PPP2R2C: variants seen among roughly 807,000 people sequenced by gnomAD.
PPP2R2C encodes protein phosphatase 2 regulatory subunit Bgamma, also known as protein phosphatase 2, regulatory subunit B, gamma.
PPP2R2C carries 10 observed loss-of-function variants against 45.3 expected under a neutral mutation model. The ratio of observed to expected loss-of-function variants is 0.22; its 90% CI spans 0.14 to 0.37. PPP2R2C has a LOEUF of 0.37. Ranked by LOEUF, PPP2R2C falls within the 10% of genes least tolerant of loss-of-function variation. The probability of loss-of-function intolerance (pLI) is 1.00; values close to 1 mark genes in which losing one functional copy is unlikely to be tolerated. For synonymous variants in PPP2R2C, 257 were observed against 245.4 expected (o/e 1.05, Z -0.44); for missense variants, 308 against 619.7 (o/e 0.50, Z 5.34).
chr4:6,411,645 T>C (rs1301084810), intron 1 of PPP2R2C, among the ~76,000 whole-genome samples: 3 of 151,568 alleles, frequency 2.0e-5, no homozygotes, highest in Non-Finnish European at 4.4e-5. Flanking sequence ...CTCCGCCTCC[T>C]GGGCTCACGC....
intron 1 of PPP2R2C, among the ~76,000 whole-genome samples, chr4:6,450,100 T>C (rs1368642234): frequency 6.6e-6 from 1 of 152,194 alleles, no homozygotes; most frequent in East Asian, 1.9e-4. Flanking sequence ...ATGGTGGAAA[T>C]AGCATTGGCT....
At chr4:6,492,507 C>T (rs902871009) in intron 2 of PPP2R2C, among the ~76,000 whole-genome samples, 35 of 152,224 alleles carry the variant, frequency 2.3e-4, no homozygotes, top group Middle Eastern at 3.2e-3. Flanking sequence ...AGCGCATGCT[C>T]AAGTGTGAGT....
At chr4:6,394,021 C>A (rs1716844321) in intron 1 of PPP2R2C, among the ~76,000 whole-genome samples, 1 of 152,208 alleles carries the variant, frequency 6.6e-6, no homozygotes. Context: ...TCACATGCTC[C>A]CTGCCTTCCT....
intron 1 of PPP2R2C, among the ~76,000 whole-genome samples, chr4:6,454,117 G>A (rs533614479): frequency 3.9e-4 from 59 of 152,342 alleles, no homozygotes; most frequent in Non-Finnish European, 7.2e-4. Context: ...AGGGGGACAA[G>A]AGGGTGTTGC....
chr4:6,355,675 T>C lies in PPP2R2C; in HGVS notation c.626-7665A>G, dbSNP rs1273592732. On this transcript the variant is annotated intron_variant, in intron 5 of 8. Transcript: ENST00000382599. ...TCCCCCTGCAGCGTGTTGAAAGTAT[T>C]GCTGCTGCGGTACAAACGCAAGAGT... is the stretch of plus-strand genomic sequence containing the variant. Among the ~76,000 whole-genome samples, 6 of 152,062 alleles carry C rather than the reference T, an allele frequency of 3.9e-5. No homozygotes were observed. In the South Asian group the frequency reaches 1.0e-3, roughly 26 times the overall value.
At chr4:6,413,209 G>A (rs532869981) in intron 1 of PPP2R2C, among the ~76,000 whole-genome samples, 9 of 151,480 alleles carry the variant, frequency 5.9e-5, no homozygotes, top group Admixed American at 3.9e-4. Flanking sequence ...CAATGTGCTC[G>A]GACATACATG....
intron 2 of PPP2R2C, among the ~76,000 whole-genome samples, chr4:6,485,712 A>T (rs963235206): frequency 6.6e-6 from 1 of 151,766 alleles, no homozygotes; most frequent in Non-Finnish European, 1.5e-5. Flanking sequence ...ATATATACTA[A>T]TGTCACCTTC....
chr4:6,540,366 G>A (rs1389790591), intron 1 of PPP2R2C, among the ~76,000 whole-genome samples: 1 of 152,214 alleles, frequency 6.6e-6, no homozygotes, highest in Non-Finnish European at 1.5e-5. Flanking sequence ...TTAACATGAT[G>A]TGTTCAAGGT....
intron 1 of PPP2R2C, among the ~76,000 whole-genome samples, chr4:6,393,257 G>A (rs1296466761): frequency 6.6e-6 from 1 of 151,846 alleles, no homozygotes; most frequent in African/African-American, 2.4e-5. Context: ...CCTCTCCCCA[G>A]CCCCCGGAAA....
chr4:6,518,976 A>C (rs1282877537), intron 2 of PPP2R2C, among the ~76,000 whole-genome samples: 1 of 151,668 alleles, frequency 6.6e-6, no homozygotes, highest in African/African-American at 2.4e-5. Context: ...AAAGAGAAAA[A>C]GAAATGGAAC....
At chr4:6,544,081 C>A (rs1048154820) in intron 1 of PPP2R2C, among the ~76,000 whole-genome samples, 1 of 152,102 alleles carries the variant, frequency 6.6e-6, no homozygotes, top group African/African-American at 2.4e-5. Flanking sequence ...TCACCCTGGC[C>A]CCATTTGTTT....
At chr4:6,500,075 G>C (rs936466086) in intron 2 of PPP2R2C, among the ~76,000 whole-genome samples, 1 of 152,232 alleles carries the variant, frequency 6.6e-6, no homozygotes, top group Admixed American at 6.5e-5. Flanking sequence ...GGCTAGAAAT[G>C]TTTGTTCCTA....
At chr4:6,448,494 G>T (rs1425937917) in intron 1 of PPP2R2C, among the ~76,000 whole-genome samples, 1 of 152,058 alleles carries the variant, frequency 6.6e-6, no homozygotes, top group African/African-American at 2.4e-5. Flanking sequence ...CTCCCAGGCA[G>T]ACCCTCGAGG....
intron 1 of PPP2R2C, among the ~76,000 whole-genome samples, chr4:6,554,887 AAAGGAAGGAAGG>A (rs1185835295): frequency 2.9e-4 from 31 of 106,066 alleles, no homozygotes; most frequent in African/African-American, 1.1e-3. Context: ...AAAGAAAAAG[AAAGGAAGGAAGG>A]AAGGAAGGAA....
At chr4:6,349,193 C>A in intron 5 of PPP2R2C, 3 of 985,346 alleles carry the variant, frequency 3.0e-6, no homozygotes, top group Non-Finnish European at 3.6e-6. Flanking sequence ...ACCTCAGGCT[C>A]CGGTCTCCCC....
intron 5 of PPP2R2C, among the ~76,000 whole-genome samples, chr4:6,367,810 G>T (rs1714463962): frequency 6.6e-6 from 1 of 152,180 alleles, no homozygotes; most frequent in African/African-American, 2.4e-5. Context: ...CAGGTGCACT[G>T]AGGTTCCCCA....
chr4:6,333,501 T>C (rs577481771), intron 7 of PPP2R2C, 61 bp downstream of exon 7: 1 of 1,567,404 alleles, frequency 6.4e-7, no homozygotes, highest in Non-Finnish European at 8.7e-7. Context: ...GCCCCCTCCA[T>C]GGGGATCTCA....
In PPP2R2C at chr4:6,364,482, G is replaced by T; in HGVS notation, c.625+8041C>A. 6.7e-6 allele frequency among the ~76,000 whole-genome samples: 1 copy of T among 149,232 alleles called. No individual in the cohort carries two copies. The highest frequency in any genetic ancestry group is 2.0e-4 in the East Asian group (1 of 5,116). The stretch of plus-strand genomic sequence containing the variant: ...GAGCAAGGAGTGACATGATCTTGTC[G>T]TTTTTTTTTTTCTCATGTTGTAGGA... On this transcript the variant is annotated intron_variant, in intron 5 of 8. Coordinates refer to ENST00000382599, the MANE Select transcript of PPP2R2C (RefSeq NM_020416.4). The surrounding 1 kb of genome is among the most constrained non-coding windows in gnomAD (Gnocchi z 5.3).
At chr4:6,412,629 T>C (rs1226634737) in intron 1 of PPP2R2C, among the ~76,000 whole-genome samples, 1 of 152,162 alleles carries the variant, frequency 6.6e-6, no homozygotes, top group African/African-American at 2.4e-5. Context: ...CAATGTATCT[T>C]CTCTTATGAA....
Sources: allele counts gnomAD v4.1 joint callset (sites outside exome capture counted in the v4.1 genomes callset), GRCh38; gene constraint gnomAD v4.1.1; non-coding constraint Gnocchi (gnomAD v3.1); transcripts MANE v1.5; gene names NCBI Gene and HGNC (gene_info 2026-07-23, HGNC 2026-07-21).